NSUN7: variants seen among roughly 807,000 people sequenced by gnomAD.
NSUN7 encodes the protein NOP2/Sun RNA methyltransferase family member 7, also known as protein NSUN7.
Under a neutral mutation model 58.5 loss-of-function variants are expected in NSUN7, and 39 were observed. The observed-to-expected ratio is 0.67, with a 90% CI of 0.52 to 0.87. NSUN7 has a LOEUF of 0.87. Ranked by LOEUF, NSUN7 falls within the 40% of genes least tolerant of loss-of-function variation. NSUN7 has a pLI of 0.00. For missense variants in NSUN7, 765 were observed against 844.1 expected, an observed-to-expected ratio of 0.91 and a Z score of 1.16; for synonymous variants, 278 against 303.7, an observed-to-expected ratio of 0.92 and a Z score of 0.88.
chr4:40,772,583 A>T (rs535308715), intron 4 of NSUN7, among the ~76,000 whole-genome samples: 1 of 152,320 alleles, frequency 6.6e-6, no homozygotes, highest in South Asian at 2.1e-4. Flanking sequence ...TCCCACATAA[A>T]CAATTTTTTT....
At chr4:40,771,787 A>C (rs577477518) in intron 4 of NSUN7, among the ~76,000 whole-genome samples, 2 of 150,020 alleles carry the variant, frequency 1.3e-5, no homozygotes, top group South Asian at 4.2e-4. Flanking sequence ...GGAAGCTCTG[A>C]CTGTGTGTGT....
intron 10 of NSUN7, among the ~76,000 whole-genome samples, chr4:40,802,919 C>T (rs552680171): frequency 7.0e-6 from 1 of 143,242 alleles, no homozygotes; most frequent in Non-Finnish European, 1.5e-5. Flanking sequence ...AGGTATATCT[C>T]GTGCTAACCC....
At chr4:40,769,287 T>A (rs1032065570) in intron 4 of NSUN7, among the ~76,000 whole-genome samples, 1 of 152,246 alleles carries the variant, frequency 6.6e-6, no homozygotes, top group Non-Finnish European at 1.5e-5. Flanking sequence ...TTTCAAAATG[T>A]AATTGTATGG....
chr4:40,778,845 CAATT>C (rs1319744338), intron 7 of NSUN7, among the ~76,000 whole-genome samples: 1 of 152,084 alleles, frequency 6.6e-6, no homozygotes, highest in Non-Finnish European at 1.5e-5. Flanking sequence ...TCAATGGAAA[CAATT>C]AAAACCAGAA....
intron 4 of NSUN7, among the ~76,000 whole-genome samples, chr4:40,768,436 C>T (rs56162511): frequency 0.12 from 17,552 of 152,056 alleles, 1,325 homozygotes; most frequent in South Asian, 0.17. Flanking sequence ...GTGATCCTCC[C>T]GCCTCGGCCT....
chr4:40,759,297 C>T (rs564833558), intron 2 of NSUN7, among the ~76,000 whole-genome samples: 2 of 151,970 alleles, frequency 1.3e-5, no homozygotes, highest in South Asian at 2.1e-4. Flanking sequence ...TGTGATAGAG[C>T]GAGACTCTGT....
chr4:40,755,125 T>C (rs756454862), intron 2 of NSUN7, among the ~76,000 whole-genome samples: 1 of 152,230 alleles, frequency 6.6e-6, no homozygotes, highest in Non-Finnish European at 1.5e-5. Context: ...AGTCTTGCTC[T>C]GTCGCCCAGA....
chr4:40,757,714 G>A (rs1741232577), intron 2 of NSUN7, among the ~76,000 whole-genome samples: 1 of 65,930 alleles, frequency 1.5e-5, no homozygotes, highest in African/African-American at 8.1e-5. Context: ...CATTGTGTGT[G>A]TGTGTATATA....
intron 5 of NSUN7, 28 bp downstream of exon 5, chr4:40,774,445 T>C: frequency 6.3e-7 from 1 of 1,596,808 alleles, no homozygotes; most frequent in South Asian, 1.1e-5. Context: ...ATTCTTTATA[T>C]TTCAAGTCTC....
In NSUN7 at chr4:40,809,891, A is replaced by G. The variant is rs1415652766; in HGVS notation, c.*952A>G. On this transcript the variant is annotated 3_prime_UTR_variant, in exon 12 of 12. Coordinates refer to ENST00000381782, the MANE Select transcript of NSUN7 (RefSeq NM_024677.6). The stretch of plus-strand genomic sequence containing the variant: ...TCGATTCATCTTGAATGTATTCTCA[A>G]TTGCCTACCAAAAATTGGTATGATT... 1 of 152,202 alleles carries G rather than the reference A, an allele frequency of 6.6e-6. No homozygotes were observed. Among genetic ancestry groups the G allele is most frequent in the Non-Finnish European group, 1.5e-5 (1 of 68,044 alleles). 9.4% of individuals were successfully genotyped at this position (152,202 alleles called of 1,614,324 possible).
chr4:40,759,898 A>G (rs1042873770), intron 2 of NSUN7, among the ~76,000 whole-genome samples: 1 of 152,112 alleles, frequency 6.6e-6, no homozygotes, highest in African/African-American at 2.4e-5. Context: ...AAAATTAGCC[A>G]GGTGTGGTGG....
chr4:40,792,255 G>A (rs1743102861), intron 8 of NSUN7, among the ~76,000 whole-genome samples: 1 of 152,164 alleles, frequency 6.6e-6, no homozygotes, highest in Non-Finnish European at 1.5e-5. Flanking sequence ...GCTCAGAACT[G>A]TGAGACTCTG....
intron 7 of NSUN7, among the ~76,000 whole-genome samples, chr4:40,781,614 T>C (rs943605092): frequency 1.3e-5 from 2 of 152,234 alleles, no homozygotes; most frequent in East Asian, 3.9e-4. Context: ...CCTGGCTAAT[T>C]TTTTTATTTT....
chr4:40,791,477 G>A (rs1411043526), intron 8 of NSUN7, among the ~76,000 whole-genome samples: 1 of 152,180 alleles, frequency 6.6e-6, no homozygotes, highest in East Asian at 1.9e-4. Context: ...GCTCAGAGAA[G>A]TTAATGAAGT....
At chr4:40,776,587 G>A in intron 7 of NSUN7, 1 of 195,424 alleles carries the variant, frequency 5.1e-6, no homozygotes. Context: ...AAGTGCTTAA[G>A]TGACAAAGAT....
At chr4:40,799,054 G>T in intron 10 of NSUN7, 150 bp downstream of exon 10, 8 of 160,970 alleles carry the variant, frequency 5.0e-5, no homozygotes, top group South Asian at 1.9e-4. Context: ...ATTTAACCAA[G>T]ATTCCATAGG....
intron 2 of NSUN7, 48 bp from the exon 3 acceptor site, chr4:40,760,386 A>G (rs748867451): frequency 1.4e-6 from 2 of 1,443,778 alleles, no homozygotes; most frequent in South Asian, 1.2e-5. Flanking sequence ...CAGAGTTTTC[A>G]TTTTCCGCTT....
rs1743980749 is a variant in NSUN7, at chr4:40,808,541, C to T, written c.1759C>T (p.Pro587Ser). Residue 587 changes from proline to serine, a missense_variant, in exon 12 of 12, where the codon CCA (proline) becomes TCA (serine). By Grantham distance (74) the Pro-to-Ser change is moderately conservative. Coordinates refer to ENST00000381782, the MANE Select transcript of NSUN7 (RefSeq NM_024677.6). ...TAATCTATCAGAGACTGTAACAAAA[C>T]CACCTCTTCCCCAGAAAAATACTGC... ...SANLSETVTKPPLPQKNTAQV... is the reference protein window; with the variant it reads ...SANLSETVTKSPLPQKNTAQV... 1 of 1,551,890 alleles carries T rather than the reference C, an allele frequency of 6.4e-7. No individual in the cohort carries two copies. Among genetic ancestry groups the T allele is most frequent in the Non-Finnish European group, 8.7e-7 (1 of 1,147,048 alleles).
chr4:40,787,676 C>T (rs558659426), intron 7 of NSUN7, among the ~76,000 whole-genome samples: 1 of 152,152 alleles, frequency 6.6e-6, no homozygotes, highest in East Asian at 1.9e-4. Flanking sequence ...ATCTTCCCAC[C>T]CACAAGACAA....
Sources: gnomAD v4.1 joint callset for allele counts (sites outside exome capture counted in the v4.1 genomes callset) on GRCh38, gnomAD v4.1.1 for gene constraint, MANE v1.5 for transcripts, NCBI Gene and HGNC (gene_info 2026-07-23, HGNC 2026-07-21) for gene names.